ARHGEF9: variants seen among roughly 807,000 people sequenced by gnomAD.
ARHGEF9 encodes the protein rho guanine nucleotide exchange factor 9.
Under a neutral mutation model 41.3 loss-of-function variants are expected in ARHGEF9, and 2 were observed. That is an observed-to-expected ratio of 0.05 (90% CI 0.02 to 0.15). ARHGEF9 has a LOEUF of 0.15. Among genes scored for constraint, ARHGEF9 ranks in the 10% least tolerant of loss-of-function variants. The pLI is 1.00. For synonymous variants in ARHGEF9, 160 were observed against 154.4 expected (o/e 1.04, Z -0.27); for missense variants, 225 against 424.7 (o/e 0.53, Z 4.13).
chrX:63,658,561 C>T (rs1220575719), intron 7 of ARHGEF9, among the ~76,000 whole-genome samples: 3 of 111,439 alleles, frequency 2.7e-5, no homozygotes, highest in Admixed American at 1.9e-4. Context: ...TGTAAAATAG[C>T]TATAAAGCTC....
chrX:63,683,720 A>G (rs1324505870), intron 4 of ARHGEF9, among the ~76,000 whole-genome samples: 2 of 111,737 alleles, frequency 1.8e-5, no homozygotes, highest in African/African-American at 6.5e-5. Flanking sequence ...ATTTTTGACA[A>G]GAGCACCAAC....
chrX:63,767,822 C>T lies in ARHGEF9; in HGVS notation c.30+17294G>A, dbSNP rs536913681. ...TCCTGGCAAGTGAGAAGAGTAATGA[C>T]CAAATAACTACTATGGTGTTACACA... is the stretch of plus-strand genomic sequence containing the variant. On this transcript the variant is annotated intron_variant, in intron 1 of 9. Coordinates refer to ENST00000671741, the MANE Select transcript of ARHGEF9 (RefSeq NM_001353921.2). Among the ~76,000 whole-genome samples the T allele has an allele frequency of 8.0e-5, 9 of 112,057 alleles. No individual in the cohort carries two copies. In the South Asian group the frequency reaches 3.0e-3, roughly 37 times the overall value.
intron 5 of ARHGEF9, among the ~76,000 whole-genome samples, chrX:63,676,404 A>T (rs2050263949): frequency 9.0e-6 from 1 of 110,966 alleles, no homozygotes; most frequent in South Asian, 3.8e-4. Flanking sequence ...TTCAAAACAC[A>T]CTCTAGAAGC....
chrX:63,719,457 G>A (rs1410962241), intron 2 of ARHGEF9, among the ~76,000 whole-genome samples: 4 of 112,035 alleles, frequency 3.6e-5, no homozygotes, highest in African/African-American at 1.3e-4. Flanking sequence ...GATTCAGAAG[G>A]GGACAACATC....
chrX:63,748,383 A>C (rs1556436833), intron 1 of ARHGEF9, among the ~76,000 whole-genome samples: 1 of 112,643 alleles, frequency 8.9e-6, no homozygotes, highest in Non-Finnish European at 1.9e-5. Context: ...AGGCTAGAAC[A>C]ATAGTCCAAC....
intron 8 of ARHGEF9, among the ~76,000 whole-genome samples, chrX:63,650,108 A>G (rs2048441104): frequency 9.0e-6 from 1 of 111,579 alleles, no homozygotes; most frequent in South Asian, 3.7e-4. Flanking sequence ...CATTATAGAA[A>G]AACAGTAGAA....
At chrX:63,718,559 C>T (rs1365805886) in intron 2 of ARHGEF9, among the ~76,000 whole-genome samples, 1 of 111,231 alleles carries the variant, frequency 9.0e-6, no homozygotes, top group Non-Finnish European at 1.9e-5. Context: ...TCAACTCAGG[C>T]AGCCAACCAG....
chrX:63,748,586 G>A (rs1406598446), intron 1 of ARHGEF9, among the ~76,000 whole-genome samples: 3 of 112,089 alleles, frequency 2.7e-5, no homozygotes, highest in Non-Finnish European at 5.6e-5. Flanking sequence ...GGACTAGACA[G>A]TAAATGGTTT....
intron 1 of ARHGEF9, chrX:63,754,554 G>A (rs1418573569): frequency 9.2e-7 from 1 of 1,089,611 alleles, no homozygotes; most frequent in South Asian, 2.4e-5. Context: ...CGGCAAAAAC[G>A]ACTACAGTTT....
Position 63,635,259 on chromosome X carries a change from T to A in ARHGEF9, c.*2769A>T. 2.0e-6 allele frequency: 1 copy of A among 491,041 alleles called. No homozygotes were observed. The highest frequency in any genetic ancestry group is 3.3e-5 in the Admixed American group (1 of 30,499). The allele number at this position is 491,041 out of a possible 1,213,427, so 40.5% of individuals were successfully genotyped here. A position where few individuals can be genotyped will look rare whatever the true frequency, so the allele number is the denominator to read the frequency against. ...ACTCTCTTGTTGCTGTTCTTATAGA[T>A]CCATTAGAAATATACACATAGAGAG... On this transcript the variant is annotated 3_prime_UTR_variant, in exon 10 of 10. Coordinates refer to ENST00000671741, the MANE Select transcript of ARHGEF9 (RefSeq NM_001353921.2).
intron 1 of ARHGEF9, among the ~76,000 whole-genome samples, chrX:63,762,981 T>C (rs1556450249): frequency 1.8e-5 from 2 of 112,430 alleles, no homozygotes; most frequent in African/African-American, 6.5e-5. Context: ...TTATTTTCTC[T>C]AGCTACTTTA....
At chrX:63,660,306 C>T (rs2049137436) in intron 7 of ARHGEF9, among the ~76,000 whole-genome samples, 1 of 111,501 alleles carries the variant, frequency 9.0e-6, no homozygotes, top group African/African-American at 3.3e-5. Context: ...AAACCAAATA[C>T]CGCATGTTCT....
intron 8 of ARHGEF9, among the ~76,000 whole-genome samples, chrX:63,651,350 C>G (rs2048527611): frequency 9.0e-6 from 1 of 111,160 alleles, no homozygotes; most frequent in Non-Finnish European, 1.9e-5. Flanking sequence ...GTAATTGAAA[C>G]AGCATAGTCT....
At chrX:63,718,579 C>A (rs1168185403) in intron 2 of ARHGEF9, among the ~76,000 whole-genome samples, 6 of 111,606 alleles carry the variant, frequency 5.4e-5, no homozygotes, top group Non-Finnish European at 7.5e-5. Flanking sequence ...GGTTACAAAT[C>A]CATGCTATGG....
chrX:63,666,060 A>G (rs782444892), intron 6 of ARHGEF9, 43 bp from the exon 7 acceptor site: 399 of 1,204,349 alleles, frequency 3.3e-4, no homozygotes, highest in Non-Finnish European at 4.0e-4. Context: ...AGGCAGAAGG[A>G]TGGCACCATC....
At chrX:63,661,541 A>G (rs782682864) in intron 7 of ARHGEF9, among the ~76,000 whole-genome samples, 1 of 112,310 alleles carries the variant, frequency 8.9e-6, no homozygotes, top group Non-Finnish European at 1.9e-5. Context: ...TAAAAATTCA[A>G]TGAAACACAG....
At chrX:63,680,474 T>G (rs782036311) in intron 4 of ARHGEF9, among the ~76,000 whole-genome samples, 1 of 111,993 alleles carries the variant, frequency 8.9e-6, no homozygotes. Context: ...ATGACCAGCT[T>G]CAGTTTCATC....
intron 1 of ARHGEF9, among the ~76,000 whole-genome samples, chrX:63,783,142 A>T (rs1556463277): frequency 8.9e-6 from 1 of 111,952 alleles, no homozygotes; most frequent in Non-Finnish European, 1.9e-5. Context: ...TTCTTCATTA[A>T]TTTAACCTGT....
chrX:63,734,367 G>A (rs1332673058), intron 1 of ARHGEF9, among the ~76,000 whole-genome samples: 1 of 112,149 alleles, frequency 8.9e-6, no homozygotes, highest in African/African-American at 3.2e-5. Flanking sequence ...GGAAACAGGA[G>A]TAATTGTCAA....
Sources: allele counts gnomAD v4.1 joint callset (sites outside exome capture counted in the v4.1 genomes callset), GRCh38; gene constraint gnomAD v4.1.1; transcripts MANE v1.5; gene names NCBI Gene and HGNC (gene_info 2026-07-23, HGNC 2026-07-21).